The following INPP4A variants were observed in gnomAD, a reference collection of about 807,000 sequenced individuals.
The protein encoded by INPP4A is inositol polyphosphate-4-phosphatase, type I, 107kD.
A neutral mutation model predicts 119.8 loss-of-function variants in INPP4A; 33 were observed. The ratio of observed to expected loss-of-function variants is 0.28; its 90% confidence interval spans 0.21 to 0.37. The LOEUF is 0.37. Ranked by LOEUF, INPP4A falls within the 10% of genes least tolerant of loss-of-function variation. The pLI is 1.00. For missense variants in INPP4A, 956 were observed against 1,289.9 expected (o/e 0.74, Z 3.97); for synonymous variants, 496 against 500.7 (o/e 0.99, Z 0.12).
rs116747661 is a variant in INPP4A, at chr2:98,514,742, C to T, written c.-165-4222C>T. 6.9e-3 allele frequency among the ~76,000 whole-genome samples: 1,051 copies of T among 152,108 alleles called. 10 individuals carry two copies. Among genetic ancestry groups the T allele is most frequent in the African/African-American group, 0.022 (918 of 41,476 alleles). On this transcript the variant is annotated intron_variant, in intron 1 of 24. Coordinates refer to ENST00000409851, the MANE Select transcript of INPP4A (RefSeq NM_001134225.2). The stretch of plus-strand genomic sequence containing the variant: ...ACCAGCCTGGGCAACATAGTGAGAC[C>T]TCATCTCTAATTTTAAAAAATTAGT...
intron 24 of INPP4A, among the ~76,000 whole-genome samples, chr2:98,585,998 A>G (rs2106563205): frequency 6.6e-6 from 1 of 152,364 alleles, no homozygotes; most frequent in Non-Finnish European, 1.5e-5. Context: ...AAGGAGATTA[A>G]CTGTGTATAG....
At chr2:98,572,437 C>T (rs993601732) in intron 22 of INPP4A, among the ~76,000 whole-genome samples, 1 of 152,184 alleles carries the variant, frequency 6.6e-6, no homozygotes, top group East Asian at 1.9e-4. Context: ...GACCCACTGC[C>T]CCAGTTTCTT....
intron 1 of INPP4A, among the ~76,000 whole-genome samples, chr2:98,478,167 G>A (rs1179183969): frequency 2.0e-5 from 3 of 152,146 alleles, no homozygotes; most frequent in South Asian, 2.1e-4. Context: ...AAAATAGAGC[G>A]CACTTTAATT....
chr2:98,508,980 C>G (rs1684624889), intron 1 of INPP4A, among the ~76,000 whole-genome samples: 1 of 152,194 alleles, frequency 6.6e-6, no homozygotes, highest in Non-Finnish European at 1.5e-5. Flanking sequence ...CCCAGAATCC[C>G]TGGCTGCAGA....
At chr2:98,564,056 T>C (rs1695996601) in intron 18 of INPP4A, among the ~76,000 whole-genome samples, 1 of 151,782 alleles carries the variant, frequency 6.6e-6, no homozygotes, top group African/African-American at 2.4e-5. Context: ...GTTGCAGGAC[T>C]CTCTTATTGT....
chr2:98,478,333 C>T (rs1041001764), intron 1 of INPP4A, among the ~76,000 whole-genome samples: 2 of 152,254 alleles, frequency 1.3e-5, no homozygotes, highest in South Asian at 2.1e-4. Context: ...GGATTCCTGT[C>T]GCTTGGGACC....
rs573054433 is a variant in INPP4A, at chr2:98,548,674, C to T, written c.1163+1980C>T. Reference sequence around the variant, plus strand: ...TAATTTCTCACTAATGCCATCAAGCCACTTATAGATATGGTATTCATGATT... The same window carrying T: ...TAATTTCTCACTAATGCCATCAAGCTACTTATAGATATGGTATTCATGATT... On this transcript the variant is annotated intron_variant, in intron 13 of 24. Transcript: ENST00000409851. 1.1e-4 allele frequency among the ~76,000 whole-genome samples: 17 copies of T among 152,164 alleles called. 1 individual carries two copies. The South Asian group carries it at 3.3e-3, about 30-fold the overall frequency.
rs181888116 is a variant in INPP4A at position 98,545,914 on chromosome 2, C to T, written c.950-55C>T. ...TGAATTCCATTTTCTACTTGCAACT[C>T]GTGAATGCAGCATGTATGCTGATGG... On this transcript the variant is annotated intron_variant, in intron 11 of 24. Coordinates refer to ENST00000409851, the MANE Select transcript of INPP4A (RefSeq NM_001134225.2). 9 of 1,269,700 alleles carry T rather than the reference C, an allele frequency of 7.1e-6. No homozygotes were observed. In the Admixed American group the frequency reaches 1.2e-4, roughly 17 times the overall value. 78.7% of individuals were successfully genotyped at this position (1,269,700 alleles called of 1,614,324 possible). A position where few individuals can be genotyped will look rare whatever the true frequency, so the allele number is the denominator to read the frequency against.
chr2:98,587,686 G>T lies in INPP4A; in HGVS notation c.*78G>T. 1.8e-6 allele frequency: 2 copies of T among 1,097,806 alleles called. No homozygotes were observed. Among genetic ancestry groups the T allele is most frequent in the Non-Finnish European group, 1.3e-6 (1 of 774,794 alleles). The allele number at this position is 1,097,806 out of a possible 1,614,324, so 68.0% of individuals were successfully genotyped here. A position where few individuals can be genotyped will look rare whatever the true frequency, so the allele number is the denominator to read the frequency against. On this transcript the variant is annotated 3_prime_UTR_variant, in exon 25 of 25. Coordinates refer to ENST00000409851, the MANE Select transcript of INPP4A (RefSeq NM_001134225.2). ...GTGTCATATATGAATTCTTCAAGAA[G>T]ACCTGAAGGATTGGTTTTTATTTTT...
intron 24 of INPP4A, chr2:98,581,781 T>C: frequency 6.3e-7 from 1 of 1,599,200 alleles, no homozygotes; most frequent in Non-Finnish European, 8.5e-7. Flanking sequence ...AATTAATAAG[T>C]CACAAGAAAA....
intron 4 of INPP4A, among the ~76,000 whole-genome samples, chr2:98,523,817 A>C (rs1687693951): frequency 6.6e-6 from 1 of 152,252 alleles, no homozygotes; most frequent in Non-Finnish European, 1.5e-5. Flanking sequence ...TCAATACAGA[A>C]AATGTTGCAG....
intron 1 of INPP4A, among the ~76,000 whole-genome samples, chr2:98,448,132 G>A (rs1399191016): frequency 6.6e-6 from 1 of 151,600 alleles, no homozygotes; most frequent in Non-Finnish European, 1.5e-5. Context: ...GAGGTGGGAG[G>A]ATCACTTGAG....
chr2:98,466,316 G>T (rs1674775163), intron 1 of INPP4A, among the ~76,000 whole-genome samples: 2 of 152,246 alleles, frequency 1.3e-5, no homozygotes, highest in Admixed American at 1.3e-4. Context: ...AAAGTGCTGG[G>T]ATTACAGGCG....
intron 4 of INPP4A, among the ~76,000 whole-genome samples, chr2:98,523,873 A>G (rs1669725505): frequency 6.6e-6 from 1 of 152,238 alleles, no homozygotes; most frequent in Admixed American, 6.5e-5. Context: ...CCAAATATAT[A>G]TGTTTGACCC....
intron 4 of INPP4A, among the ~76,000 whole-genome samples, chr2:98,529,178 GA>G (rs1379849700): frequency 5.3e-5 from 8 of 152,064 alleles, no homozygotes; most frequent in Non-Finnish European, 1.2e-4. Context: ...CAATAAAAAG[GA>G]ACGAAGTACA....
intron 1 of INPP4A, among the ~76,000 whole-genome samples, chr2:98,514,817 G>A (rs1311082556): frequency 6.6e-6 from 1 of 152,112 alleles, no homozygotes; most frequent in Non-Finnish European, 1.5e-5. Flanking sequence ...TACTCAGGAG[G>A]CTGAGATGGG....
intron 1 of INPP4A, among the ~76,000 whole-genome samples, chr2:98,454,371 C>T (rs1574470408): frequency 6.6e-6 from 1 of 152,188 alleles, no homozygotes; most frequent in Non-Finnish European, 1.5e-5. Flanking sequence ...GTAGTAGTGG[C>T]TTTGGCATGT....
intron 13 of INPP4A, among the ~76,000 whole-genome samples, chr2:98,549,376 A>G (rs575692868): frequency 2.0e-5 from 3 of 152,256 alleles, no homozygotes; most frequent in South Asian, 2.1e-4. Context: ...TACCTCTTAT[A>G]CAAATGAAGC....
At chr2:98,555,970 A>G in intron 16 of INPP4A, 162 bp downstream of exon 16, 1 of 787,658 alleles carries the variant, frequency 1.3e-6, no homozygotes, top group Non-Finnish European at 1.9e-6. Flanking sequence ...GCAGGCAGTG[A>G]GAGCGGAGTC....
Sources: gnomAD v4.1 joint callset for allele counts (sites outside exome capture counted in the v4.1 genomes callset) on GRCh38, gnomAD v4.1.1 for gene constraint, MANE v1.5 for transcripts, NCBI Gene and HGNC (gene_info 2026-07-23, HGNC 2026-07-21) for gene names.